The following MTG1 variants were observed in gnomAD, a reference collection of about 807,000 sequenced individuals.
MTG1 encodes the protein mitochondrial ribosome-associated GTPase 1.
MTG1 carries 30 observed loss-of-function variants against 39.5 expected under a neutral mutation model. That is an observed-to-expected ratio of 0.76 (90% CI 0.57 to 1.03). MTG1 has a LOEUF of 1.03. Among genes scored for constraint, MTG1 ranks in the 50% least tolerant of loss-of-function variants. The pLI is 0.00. For synonymous variants in MTG1, 217 were observed against 179.0 expected (o/e 1.21, Z -1.69); for missense variants, 513 against 447.4 (o/e 1.15, Z -1.32).
At chr10:133,404,488 A>ACTTAAT (rs1554891467) in intron 9 of MTG1, among the ~76,000 whole-genome samples, 1 of 151,946 alleles carries the variant, frequency 6.6e-6, no homozygotes, top group East Asian at 1.9e-4. Context: ...GTTTGTAAAT[A>ACTTAAT]CTTTAAGTCT....
chr10:133,398,322 C>T, intron 3 of MTG1, 113 bp from the exon 4 acceptor site: 1 of 984,744 alleles, frequency 1.0e-6, no homozygotes. Context: ...ATCGCTTGAA[C>T]CAGGGAGGCG....
intron 1 of MTG1, among the ~76,000 whole-genome samples, chr10:133,395,239 C>T (rs1849764414): frequency 6.6e-6 from 1 of 152,056 alleles, no homozygotes; most frequent in Non-Finnish European, 1.5e-5. Context: ...ACTAAAAATA[C>T]AAAAAATTAG....
At chr10:133,405,354 AATTGGG>A in intron 9 of MTG1, among the ~76,000 whole-genome samples, 2 of 152,342 alleles carry the variant, frequency 1.3e-5, no homozygotes, top group Middle Eastern at 6.8e-3. Flanking sequence ...AGATCAGGGT[AATTGGG>A]ATATCCATCA....
intron 9 of MTG1, among the ~76,000 whole-genome samples, chr10:133,409,537 A>G (rs1850015321): frequency 6.6e-6 from 1 of 152,200 alleles, no homozygotes; most frequent in Non-Finnish European, 1.5e-5. Context: ...AATGTCAGTT[A>G]GACCTGTTTG....
intron 9 of MTG1, among the ~76,000 whole-genome samples, chr10:133,415,594 G>A (rs147138249): frequency 9.2e-5 from 14 of 152,300 alleles, no homozygotes; most frequent in East Asian, 7.7e-4. Flanking sequence ...CTGATGAGCC[G>A]TCTGTGGTCG....
chr10:133,418,038 C>T (rs1313772629), intron 9 of MTG1, among the ~76,000 whole-genome samples: 5 of 152,162 alleles, frequency 3.3e-5, no homozygotes, highest in Admixed American at 1.3e-4. Flanking sequence ...CTCACTCTGT[C>T]GCCCAGCCAG....
In MTG1 at chr10:133,419,578, T is replaced by C; in HGVS notation, c.851T>C (p.Val284Ala). The change falls in exon 10 of 11, where the codon GTG (valine) becomes GCG (alanine). Residue 284 changes from valine (V) to alanine (A), a missense_variant. Transcript: ENST00000317502. Reference sequence around the variant, plus strand: ...CTGGGGAAGACGCAGAAGGTGAAGGTGCTCACGGGCACGGGTGAGTGAGGT... The same window carrying C: ...CTGGGGAAGACGCAGAAGGTGAAGGCGCTCACGGGCACGGGTGAGTGAGGT... ...VKLGKTQKVK[V>A]LTGTGNVNII... The C allele has an allele frequency of 6.2e-7, 1 of 1,605,588 alleles. No homozygotes were observed. Among genetic ancestry groups the C allele is most frequent in the South Asian group, 1.1e-5 (1 of 89,470 alleles).
In MTG1 at chr10:133,420,253, C is replaced by T. The variant is rs1248327676; in HGVS notation, c.*88C>T. On this transcript the variant is annotated 3_prime_UTR_variant, in exon 11 of 11. Coordinates refer to ENST00000317502, the MANE Select transcript of MTG1 (RefSeq NM_138384.4). Reference sequence around the variant, plus strand: ...GAGGCTCAAGACAGCTCACCCGGTCCAGAAGCTCCATGCTGGTCACTAGGG... The same window carrying T: ...GAGGCTCAAGACAGCTCACCCGGTCTAGAAGCTCCATGCTGGTCACTAGGG... 2 of 1,452,240 alleles carry T rather than the reference C, an allele frequency of 1.4e-6. No individual in the cohort carries two copies. Among genetic ancestry groups the T allele is most frequent in the South Asian group, 1.4e-5 (1 of 73,596 alleles). 90.0% of individuals were successfully genotyped at this position (1,452,240 alleles called of 1,614,324 possible). A position where few individuals can be genotyped will look rare whatever the true frequency, so the allele number is the denominator to read the frequency against.
intron 9 of MTG1, among the ~76,000 whole-genome samples, chr10:133,410,833 A>T (rs1022405105): frequency 9.9e-5 from 15 of 152,240 alleles, no homozygotes; most frequent in Non-Finnish European, 2.1e-4. Context: ...AAGAATAGAA[A>T]CAAAGGAGAA....
intron 1 of MTG1, chr10:133,394,605 G>T: frequency 7.7e-7 from 1 of 1,297,546 alleles, no homozygotes; most frequent in Non-Finnish European, 9.8e-7. Flanking sequence ...CCTCTGGCCC[G>T]CCGCCCCTGT....
At chr10:133,399,771 C>T (rs1849845561) in intron 6 of MTG1, 152 bp downstream of exon 6, 2 of 667,084 alleles carry the variant, frequency 3.0e-6, no homozygotes, top group Non-Finnish European at 5.1e-6. Flanking sequence ...TTGTCTCGTT[C>T]AGTCCAGTTC....
chr10:133,412,470 T>C (rs770298525), intron 9 of MTG1, among the ~76,000 whole-genome samples: 1 of 152,252 alleles, frequency 6.6e-6, no homozygotes, highest in African/African-American at 2.4e-5. Context: ...TAGACAATTA[T>C]GTCATTTGCA....
chr10:133,408,365 G>A (rs2265641), intron 9 of MTG1, among the ~76,000 whole-genome samples: 114,755 of 152,112 alleles, frequency 0.75, 43,496 homozygotes, highest in Non-Finnish European at 0.78. Flanking sequence ...GTTTATTGAT[G>A]TGCATATGTT....
intron 6 of MTG1, among the ~76,000 whole-genome samples, chr10:133,400,022 C>T (rs1220898007): frequency 6.6e-6 from 1 of 152,096 alleles, no homozygotes; most frequent in Non-Finnish European, 1.5e-5. Context: ...GAAACCCCGT[C>T]TCTACTAAAA....
intron 9 of MTG1, among the ~76,000 whole-genome samples, chr10:133,403,584 G>A (rs1265912640): frequency 1.3e-5 from 2 of 152,218 alleles, no homozygotes; most frequent in Non-Finnish European, 2.9e-5. Context: ...TGTGATCCCC[G>A]TGTGTCGTCG....
At position 133,402,150 on chromosome 10, in the gene MTG1, T is replaced by C; in HGVS notation, c.575T>C (p.Val192Ala). 1 of 1,613,948 alleles carries C rather than the reference T, an allele frequency of 6.2e-7. No individual in the cohort carries two copies. Among genetic ancestry groups the C allele is most frequent in the Non-Finnish European group, 8.5e-7 (1 of 1,179,942 alleles). ...ITRAVMSKIQ[V>A]SERPLMFLLD... Reference sequence around the variant, plus strand: ...ATCATGCCCTCTGTGCCCACACAGGTCTCTGAGCGGCCCCTGATGTTCCTG... The same window carrying C: ...ATCATGCCCTCTGTGCCCACACAGGCCTCTGAGCGGCCCCTGATGTTCCTG... The change falls in exon 8 of 11, where the codon GTC becomes GCC. Residue 192 changes from valine to alanine, a missense_variant and splice_region_variant. Coordinates refer to ENST00000317502, the MANE Select transcript of MTG1 (RefSeq NM_138384.4). This position sits in a 1 kb window ranked among gnomAD's most constrained non-coding sequence, Gnocchi z 4.7.
intron 7 of MTG1, 185 bp downstream of exon 7, chr10:133,401,775 C>G (rs111724804): frequency 1.4e-6 from 1 of 721,264 alleles, no homozygotes; most frequent in Non-Finnish European, 2.5e-6. Context: ...ATAGTCTTTG[C>G]GCCAAACCTT....
chr10:133,418,828 C>G (rs529787008), intron 9 of MTG1, among the ~76,000 whole-genome samples: 1 of 152,264 alleles, frequency 6.6e-6, no homozygotes, highest in East Asian at 1.9e-4. Context: ...GGTGTTTGTC[C>G]CTGTGAGTGG....
intron 9 of MTG1, among the ~76,000 whole-genome samples, chr10:133,409,095 T>G (rs566850297): frequency 6.6e-6 from 1 of 152,280 alleles, no homozygotes; most frequent in South Asian, 2.1e-4. Context: ...TGGATTTGGT[T>G]TGCTCTCACT....
Sources: gnomAD v4.1 joint callset for allele counts (sites outside exome capture counted in the v4.1 genomes callset) on GRCh38, gnomAD v4.1.1 for gene constraint, Gnocchi (gnomAD v3.1) non-coding constraint, MANE v1.5 for transcripts, NCBI Gene and HGNC (gene_info 2026-07-23, HGNC 2026-07-21) for gene names.